Variants in APH1B observed in about 807,000 individuals in gnomAD.
The protein encoded by APH1B is gamma-secretase subunit APH-1B.
A neutral mutation model predicts 28.2 loss-of-function variants in APH1B; 27 were observed. The observed-to-expected ratio is 0.96, with a 90% CI of 0.70 to 1.32. The LOEUF (loss-of-function observed/expected upper bound fraction) is 1.32, where lower values mean the gene tolerates loss of function less well. APH1B is among the 40% of genes most tolerant of loss of function. The pLI is 0.00. For missense variants in APH1B, 305 were observed against 313.6 expected, an observed-to-expected ratio of 0.97 and a Z score of 0.21; for synonymous variants, 141 against 124.6, an observed-to-expected ratio of 1.13 and a Z score of -0.88.
intron 4 of APH1B, among the ~76,000 whole-genome samples, chr15:63,288,732 G>C (rs1054169167): frequency 6.6e-6 from 1 of 152,130 alleles, no homozygotes; most frequent in Non-Finnish European, 1.5e-5. Flanking sequence ...TCTTTCTTTT[G>C]AACATTTCAT....
intron 2 of APH1B, among the ~76,000 whole-genome samples, chr15:63,279,834 G>C (rs545022667): frequency 6.6e-5 from 9 of 136,990 alleles, no homozygotes; most frequent in African/African-American, 2.5e-4. Context: ...TTTCGCTCCT[G>C]TTGCCCAGGC....
intron 2 of APH1B, among the ~76,000 whole-genome samples, chr15:63,281,204 T>C (rs1050573493): frequency 6.6e-6 from 1 of 151,950 alleles, no homozygotes; most frequent in Non-Finnish European, 1.5e-5. Flanking sequence ...ACCAGGTAAA[T>C]GAAGTCTCTG....
In APH1B at chr15:63,306,102, C is replaced by A; in HGVS notation, c.*321C>A. On this transcript the variant is annotated 3_prime_UTR_variant, in exon 6 of 6. Coordinates refer to ENST00000261879, the MANE Select transcript of APH1B (RefSeq NM_031301.4). ...TTCTGATGTGCAGCCATGTTGAGAC[C>A]CACTGGTTTGGTATCCAAATAGGAG... The A allele has an allele frequency of 4.4e-6, 1 of 225,994 alleles. No homozygotes were observed. Among genetic ancestry groups the A allele is most frequent in the East Asian group, 1.3e-4 (1 of 7,946 alleles). The allele number at this position is 225,994 out of a possible 1,614,324, so 14.0% of individuals were successfully genotyped here.
intron 4 of APH1B, among the ~76,000 whole-genome samples, chr15:63,299,987 C>A (rs1304630497): frequency 6.6e-6 from 1 of 152,018 alleles, no homozygotes; most frequent in Non-Finnish European, 1.5e-5. Context: ...CGTGAAGGTG[C>A]TATCCATGAA....
At chr15:63,287,403 A>G (rs1404235581) in intron 3 of APH1B, 21 bp from the exon 4 acceptor site, 1 of 1,612,008 alleles carries the variant, frequency 6.2e-7, no homozygotes, top group Non-Finnish European at 8.5e-7. Flanking sequence ...AAGAGTTAAC[A>G]GTGTTTTTCT....
intron 1 of APH1B, chr15:63,278,485 C>T (rs900010631): frequency 2.6e-6 from 1 of 381,548 alleles, no homozygotes; most frequent in Non-Finnish European, 5.2e-6. Flanking sequence ...TTCTGCGTTT[C>T]TTCACCTCCC....
rs1338730580 is a variant in APH1B at position 63,304,525 on chromosome 15, G to A, written c.607-1089G>A. Among the ~76,000 whole-genome samples the A allele has an allele frequency of 6.6e-6, 1 of 152,080 alleles. No homozygotes were observed. The highest frequency in any genetic ancestry group is 2.4e-5 in the African/African-American group (1 of 41,420). On this transcript the variant is annotated intron_variant, in intron 5 of 5. Coordinates refer to ENST00000261879, the MANE Select transcript of APH1B (RefSeq NM_031301.4). This position sits in a 1 kb window ranked among gnomAD's most constrained non-coding sequence, Gnocchi z 5.1. The stretch of plus-strand genomic sequence containing the variant: ...GTATGTATTGCAGATAACTTCTGTG[G>A]CATGGTTTGTCTTTACATTCTCTTA...
chr15:63,281,514 C>G (rs2038387034), intron 2 of APH1B, among the ~76,000 whole-genome samples: 1 of 139,332 alleles, frequency 7.2e-6, no homozygotes. Flanking sequence ...TATGCATTTT[C>G]ATGCCATGGG....
At chr15:63,290,056 TATCTC>T (rs991159538) in intron 4 of APH1B, among the ~76,000 whole-genome samples, 18 of 152,060 alleles carry the variant, frequency 1.2e-4, no homozygotes, top group Non-Finnish European at 1.9e-4. Flanking sequence ...ATCCCCTAAA[TATCTC>T]ATTTTATATA....
chr15:63,286,369 A>G (rs17762331), intron 2 of APH1B, among the ~76,000 whole-genome samples, 189 bp from the exon 3 acceptor site: 2,869 of 152,296 alleles, frequency 0.019, 40 homozygotes, highest in South Asian at 0.049. Context: ...TTAGTTGGCA[A>G]TTTTGGTTGA....
In APH1B at chr15:63,305,638, AT is replaced by A. The variant is rs1441527896; in HGVS notation, c.632del (p.Ile211LysfsTer8). The A allele has an allele frequency of 1.2e-6, 2 of 1,614,194 alleles. No individual in the cohort carries two copies. ...AQTFISSYYG[I>X]NLASAFIILV... ...GACCTTCATAAGTTCTTATTATGGA[AT>A]AAACCTGGCGTCAGCATTTATAATC... is the stretch of plus-strand genomic sequence containing the variant. On this transcript the variant is annotated frameshift_variant, in exon 6 of 6. Transcript: ENST00000261879. LOFTEE classifies it high-confidence loss of function.
intron 2 of APH1B, among the ~76,000 whole-genome samples, chr15:63,284,045 T>A (rs2152593616): frequency 6.6e-6 from 1 of 152,344 alleles, no homozygotes; most frequent in African/African-American, 2.4e-5. Flanking sequence ...TTAATCTGTG[T>A]GTCTGCCCTT....
chr15:63,283,678 A>T (rs1567027656), intron 2 of APH1B, among the ~76,000 whole-genome samples: 1 of 152,126 alleles, frequency 6.6e-6, no homozygotes, highest in East Asian at 1.9e-4. Flanking sequence ...TTGTAGCATC[A>T]AAGTTTTTAA....
intron 4 of APH1B, among the ~76,000 whole-genome samples, chr15:63,295,887 C>T (rs529602213): frequency 1.6e-4 from 24 of 152,278 alleles, no homozygotes; most frequent in South Asian, 8.3e-4. Flanking sequence ...GTGTAGAGGA[C>T]GGGATCAGAC....
chr15:63,300,635 T>C (rs1173891723), intron 4 of APH1B, among the ~76,000 whole-genome samples: 3 of 152,250 alleles, frequency 2.0e-5, no homozygotes, highest in Non-Finnish European at 4.4e-5. Flanking sequence ...TCACTTTAGC[T>C]TCATCTGCCA....
intron 4 of APH1B, among the ~76,000 whole-genome samples, chr15:63,289,889 A>G (rs1445454887): frequency 1.3e-5 from 2 of 152,168 alleles, no homozygotes; most frequent in African/African-American, 4.8e-5. Context: ...CCATGGTCCC[A>G]GCTACTCAGG....
chr15:63,285,989 A>AT (rs978964463), intron 2 of APH1B, among the ~76,000 whole-genome samples: 1 of 152,226 alleles, frequency 6.6e-6, no homozygotes, highest in Non-Finnish European at 1.5e-5. Context: ...GGATTTAAGA[A>AT]TAAGGAGAGA....
At chr15:63,279,077 C>CA in intron 1 of APH1B, 84 bp from the exon 2 acceptor site, 2 of 1,052,184 alleles carry the variant, frequency 1.9e-6, no homozygotes, top group Non-Finnish European at 2.6e-6. Context: ...CCTTCTCAAG[C>CA]AGGTTTTTTT....
rs1284907679 is a variant in APH1B, at chr15:63,305,644, C to T, written c.637C>T (p.Leu213=). 8.7e-6 allele frequency: 14 copies of T among 1,614,122 alleles called. No homozygotes were observed. The highest frequency in any genetic ancestry group is 3.3e-5 in the Admixed American group (2 of 60,026). Residue 213 remains leucine, a synonymous_variant, in exon 6 of 6, where the codon CTG becomes TTG. Coordinates refer to ENST00000261879, the MANE Select transcript of APH1B (RefSeq NM_031301.4). The stretch of plus-strand genomic sequence containing the variant: ...CATAAGTTCTTATTATGGAATAAAC[C>T]TGGCGTCAGCATTTATAATCCTGGT... ...TFISSYYGIN[L]ASAFIILVLM...
Sources: allele counts gnomAD v4.1 joint callset (sites outside exome capture counted in the v4.1 genomes callset), GRCh38; gene constraint gnomAD v4.1.1; non-coding constraint Gnocchi (gnomAD v3.1); transcripts MANE v1.5; gene names NCBI Gene and HGNC (gene_info 2026-07-23, HGNC 2026-07-21).